Variants in ERBIN observed in about 807,000 individuals in gnomAD.
ERBIN encodes densin-180-like protein.
ERBIN carries 60 observed loss-of-function variants against 158.4 expected under a neutral mutation model. The ratio of observed to expected loss-of-function variants is 0.38; its 90% confidence interval spans 0.31 to 0.47. The LOEUF (loss-of-function observed/expected upper bound fraction) is 0.47. Ranked by LOEUF, ERBIN falls within the 20% of genes least tolerant of loss-of-function variation. The pLI is 0.99. For missense variants in ERBIN, 1,610 were observed against 1,648.0 expected, an observed-to-expected ratio of 0.98 and a Z score of 0.40; for synonymous variants, 594 against 557.2, an observed-to-expected ratio of 1.07 and a Z score of -0.93.
intron 21 of ERBIN, among the ~76,000 whole-genome samples, chr5:66,059,358 G>A (rs1010933160): frequency 6.6e-6 from 1 of 152,096 alleles, no homozygotes; most frequent in African/African-American, 2.4e-5. Flanking sequence ...TGGTGTATAA[G>A]GATGCTTGTG....
In ERBIN at chr5:66,079,406, A is replaced by G. The variant is rs1383111760; in HGVS notation, c.*876A>G. 3 of 151,824 alleles carry G rather than the reference A, an allele frequency of 2.0e-5. No homozygotes were observed. The East Asian group carries it at 5.8e-4, about 29-fold the overall frequency. The allele number at this position is 151,824 out of a possible 1,614,324, so 9.4% of individuals were successfully genotyped here. ...TTTTTTTCAAATGGTGGTACTTGCAATCTGTTTTATAATTAGTGCTCCATT... is the reference window on the plus strand; with the variant it reads ...TTTTTTTCAAATGGTGGTACTTGCAGTCTGTTTTATAATTAGTGCTCCATT... On this transcript the variant is annotated 3_prime_UTR_variant, in exon 26 of 26. Coordinates refer to ENST00000284037, the MANE Select transcript of ERBIN (RefSeq NM_001253697.2).
chr5:66,061,064 C>T (rs1445289518), intron 21 of ERBIN, among the ~76,000 whole-genome samples: 3 of 152,104 alleles, frequency 2.0e-5, no homozygotes, highest in Admixed American at 2.0e-4. Flanking sequence ...GTTAGGTCTG[C>T]TTGGTGCAGA....
At chr5:66,003,064 A>G (rs908169076) in intron 4 of ERBIN, among the ~76,000 whole-genome samples, 6 of 152,210 alleles carry the variant, frequency 3.9e-5, no homozygotes, top group Non-Finnish European at 5.9e-5. Flanking sequence ...ATCTGGTCCA[A>G]ATCATACATG....
At chr5:66,073,710 A>G (rs2151303016) in intron 22 of ERBIN, among the ~76,000 whole-genome samples, 1 of 152,324 alleles carries the variant, frequency 6.6e-6, no homozygotes, top group East Asian at 1.9e-4. Context: ...GGGTTAATTT[A>G]GGGAACTGGA....
intron 22 of ERBIN, among the ~76,000 whole-genome samples, chr5:66,073,549 A>G (rs970765744): frequency 6.6e-6 from 1 of 152,206 alleles, no homozygotes; most frequent in African/African-American, 2.4e-5. Context: ...GTTCTCAAGT[A>G]TAACACAGTT....
chr5:65,959,173 C>T (rs1747639749), intron 1 of ERBIN, among the ~76,000 whole-genome samples: 1 of 152,106 alleles, frequency 6.6e-6, no homozygotes, highest in South Asian at 2.1e-4. Flanking sequence ...TGCTAGCTAA[C>T]ACGTGGTGTT....
rs368599530 is a variant in ERBIN at position 66,012,457 on chromosome 5, G to C, written c.386+330G>C. Among the ~76,000 whole-genome samples the C allele has an allele frequency of 3.3e-5, 5 of 151,718 alleles. No individual in the cohort carries two copies. In the East Asian group the frequency reaches 5.8e-4, roughly 18 times the overall value. On this transcript the variant is annotated intron_variant, in intron 5 of 25. Transcript: ENST00000284037. ...TCTTTGCCTTCAAATCAGGTGTGTG[G>C]TACCTTCAAACTTTTGAAAACAATG... is the stretch of plus-strand genomic sequence containing the variant.
intron 21 of ERBIN, among the ~76,000 whole-genome samples, chr5:66,064,909 A>G (rs1760828046): frequency 6.6e-6 from 1 of 152,186 alleles, no homozygotes; most frequent in African/African-American, 2.4e-5. Context: ...TATGTTGCCC[A>G]GGCTGGTCTC....
intron 1 of ERBIN, among the ~76,000 whole-genome samples, chr5:65,964,231 T>G (rs1023576806): frequency 6.6e-6 from 1 of 152,218 alleles, no homozygotes; most frequent in Non-Finnish European, 1.5e-5. Context: ...GTGAATCTCT[T>G]ACTACATTTG....
Position 66,014,541 on chromosome 5 carries a change from T to C in ERBIN, c.477-128T>C, listed in dbSNP as rs28539209. 6.5e-3 allele frequency: 3,177 copies of C among 489,068 alleles called. 91 individuals carry two copies. The highest frequency in any genetic ancestry group is 0.059 in the African/African-American group (2,891 of 48,972). The allele number at this position is 489,068 out of a possible 1,614,324, so 30.3% of individuals were successfully genotyped here. A position where few individuals can be genotyped will look rare whatever the true frequency, so the allele number is the denominator to read the frequency against. ...CTTTGTATTTTATGTTCTGTAATTT[T>C]TAATATATTACTTTGCAATTAGTAA... On this transcript the variant is annotated intron_variant, in intron 6 of 25. Coordinates refer to ENST00000284037, the MANE Select transcript of ERBIN (RefSeq NM_001253697.2).
chr5:66,062,050 T>C (rs1288272435), intron 21 of ERBIN, among the ~76,000 whole-genome samples: 2 of 152,196 alleles, frequency 1.3e-5, no homozygotes, highest in Non-Finnish European at 2.9e-5. Context: ...AGGAGTATCT[T>C]TGTGGCGTTC....
chr5:65,929,011 A>C (rs1743026732), intron 1 of ERBIN, among the ~76,000 whole-genome samples: 1 of 152,204 alleles, frequency 6.6e-6, no homozygotes. Context: ...CTGTTTATTG[A>C]AGGTAATCAT....
At position 66,038,343 on chromosome 5, in the gene ERBIN, T is replaced by G. The variant is rs370881665; in HGVS notation, c.1207-40T>G. 13 of 1,344,926 alleles carry G rather than the reference T, an allele frequency of 9.7e-6. No homozygotes were observed. In the African/African-American group the frequency reaches 1.9e-4, roughly 20 times the overall value. 83.3% of individuals were successfully genotyped at this position (1,344,926 alleles called of 1,614,324 possible). The stretch of plus-strand genomic sequence containing the variant: ...GGAATTGCTGAATATATATTTGCTT[T>G]AGGGTTATTGAAAATTAAGCATTTA... On this transcript the variant is annotated intron_variant, in intron 14 of 25. Transcript: ENST00000284037.
At chr5:65,931,876 T>C (rs1040045509) in intron 1 of ERBIN, among the ~76,000 whole-genome samples, 1 of 149,674 alleles carries the variant, frequency 6.7e-6, no homozygotes, top group Non-Finnish European at 1.5e-5. Context: ...TGGAGTGCAG[T>C]GGTGCAGTCT....
intron 7 of ERBIN, among the ~76,000 whole-genome samples, chr5:66,020,507 T>A (rs1755573741): frequency 6.6e-6 from 1 of 152,010 alleles, no homozygotes; most frequent in Admixed American, 6.5e-5. Context: ...AAATCCTTAA[T>A]ACAGAATTTC....
intron 21 of ERBIN, among the ~76,000 whole-genome samples, chr5:66,062,546 A>G (rs1009359091): frequency 3.9e-5 from 6 of 152,134 alleles, no homozygotes; most frequent in Admixed American, 3.3e-4. Flanking sequence ...TCAACTCATC[A>G]AAGTCATTCT....
In ERBIN at chr5:66,054,104, G is replaced by A. The variant is rs1342176930; in HGVS notation, c.2786G>A (p.Gly929Asp). ...LYDQPLQVFT[G>D]SSSSSDLISG... ...GATCAACCATTGCAGGTATTTACTG[G>A]TTCTTCCTCATCTTCTGATTTAATA... The change falls in exon 21 of 26, where the codon GGT (glycine) becomes GAT (aspartate). Residue 929 changes from glycine (G) to aspartate (D), a missense_variant. By Grantham distance (94) the Gly-to-Asp change is moderately conservative. This residue lies in a region of ERBIN where 1,014 missense variants were observed against 936.1 expected (regional missense o/e 1.08). Coordinates refer to ENST00000284037, the MANE Select transcript of ERBIN (RefSeq NM_001253697.2). 6.2e-7 allele frequency: 1 copy of A among 1,614,062 alleles called. No individual in the cohort carries two copies. The highest frequency in any genetic ancestry group is 1.7e-5 in the Admixed American group (1 of 60,012).
intron 7 of ERBIN, among the ~76,000 whole-genome samples, chr5:66,019,572 G>A (rs190417187): frequency 3.3e-5 from 5 of 152,284 alleles, no homozygotes; most frequent in African/African-American, 1.2e-4. Flanking sequence ...TTTCTAAAGT[G>A]TATGAGTATA....
chr5:66,013,819 A>G (rs1398161314), intron 6 of ERBIN, among the ~76,000 whole-genome samples, 181 bp downstream of exon 6: 1 of 152,136 alleles, frequency 6.6e-6, no homozygotes, highest in Non-Finnish European at 1.5e-5. Context: ...AGTAAACAAT[A>G]ATCAGTGAGA....
Sources: gnomAD v4.1 joint callset for allele counts (sites outside exome capture counted in the v4.1 genomes callset) on GRCh38, gnomAD v4.1.1 for gene constraint, gnomAD v4.1.1 regional missense constraint, MANE v1.5 for transcripts, NCBI Gene and HGNC (gene_info 2026-07-23, HGNC 2026-07-21) for gene names.